Variants in HAPLN4 observed in about 807,000 individuals in gnomAD.
HAPLN4 encodes hyaluronan and proteoglycan link protein 4, also known as brain link protein 2.
HAPLN4 carries 19 observed loss-of-function variants against 28.0 expected under a neutral mutation model. The ratio of observed to expected loss-of-function variants is 0.68; its 90% confidence interval spans 0.47 to 1.00. The LOEUF (loss-of-function observed/expected upper bound fraction) is 1.00, where lower values mean the gene tolerates loss of function less well. Ranked by LOEUF, HAPLN4 falls within the 50% of genes least tolerant of loss-of-function variation. The pLI is 0.00. For missense variants in HAPLN4, 587 were observed against 602.6 expected (o/e 0.97, Z 0.27); for synonymous variants, 274 against 273.0 (o/e 1.00, Z -0.03).
rs902123934 is a variant in HAPLN4 at position 19,260,946 on chromosome 19, C to T, written c.351G>A (p.Glu117=). 8 of 1,613,906 alleles carry T rather than the reference C, an allele frequency of 5.0e-6. No individual in the cohort carries two copies. The highest frequency in any genetic ancestry group is 1.6e-4 in the Middle Eastern group (1 of 6,062). The change falls in exon 3 of 5, where the codon GAG becomes GAA. Residue 117 remains glutamate, a synonymous_variant. Transcript: ENST00000291481. ...RAFGSYRGRA[E]LQGDGPGDAS... is the part of the protein sequence containing the mutation. ...CATCCCCAGGCCCGTCGCCCTGCAG[C>T]TCAGCCCGCCCACGGTAGCTGCCGA...
Position 19,258,727 on chromosome 19 carries a change from C to A in HAPLN4, c.613G>T (p.Gly205Cys). Reference sequence around the variant, plus strand: ...CAGCCCGCGTTGCACCAGTCCAGGCCGTCGCGCCAGGCCGCGTGCAGCTGT... The same window carrying A: ...CAGCCCGCGTTGCACCAGTCCAGGCAGTCGCGCCAGGCCGCGTGCAGCTGT... Reference protein sequence around the residue: ...AEQLHAAWRDGLDWCNAGWLR... With the variant: ...AEQLHAAWRDCLDWCNAGWLR... Residue 205 changes from glycine (G) to cysteine (C), a missense_variant, in exon 4 of 5, where the codon GGC becomes TGC. Physicochemically the swap from Gly to Cys is radical, Grantham distance 159 (BLOSUM62 -3). Coordinates refer to ENST00000291481, the MANE Select transcript of HAPLN4 (RefSeq NM_023002.3). The surrounding 1 kb of genome is among the most constrained non-coding windows in gnomAD (Gnocchi z 6.2). 1 of 1,603,890 alleles carries A rather than the reference C, an allele frequency of 6.2e-7. No individual in the cohort carries two copies. Among genetic ancestry groups the A allele is most frequent in the Non-Finnish European group, 8.5e-7 (1 of 1,176,684 alleles).
chr19:19,259,722 AGCT>A (rs1396529975), intron 3 of HAPLN4, among the ~76,000 whole-genome samples: 3 of 152,176 alleles, frequency 2.0e-5, no homozygotes, highest in Non-Finnish European at 4.4e-5. Flanking sequence ...AGTAAAGGAG[AGCT>A]GCTGCTATTA....
At position 19,257,941 on chromosome 19, in the gene HAPLN4, T is replaced by C. The variant is rs753212979; in HGVS notation, c.1085A>G (p.Tyr362Cys). The C allele has an allele frequency of 6.6e-7, 1 of 1,515,542 alleles. No individual in the cohort carries two copies. Among genetic ancestry groups the C allele is most frequent in the South Asian group, 1.2e-5 (1 of 81,798 alleles). The allele number at this position is 1,515,542 out of a possible 1,614,324, so 93.9% of individuals were successfully genotyped here. A position where few individuals can be genotyped will look rare whatever the true frequency, so the allele number is the denominator to read the frequency against. The change falls in exon 5 of 5, where the codon TAC (tyrosine) becomes TGC (cysteine). Residue 362 changes from tyrosine (Y) to cysteine (C), a missense_variant. Physicochemically the swap from Tyr to Cys is radical, Grantham distance 194 (BLOSUM62 -2). Coordinates refer to ENST00000291481, the MANE Select transcript of HAPLN4 (RefSeq NM_023002.3). ...CGGTGCTCCTGGAGCGCGGTAGCAG[T>C]AGACGCCGAAGAGCCGTCGGGTGGC... ...PDATRRLFGV[Y>C]CYRAPGAPDP...
Position 19,261,536 on chromosome 19 carries a change from CG to C in HAPLN4, c.30del (p.Gly11AlafsTer37), listed in dbSNP as rs766264378. 8 of 1,591,934 alleles carry C rather than the reference CG, an allele frequency of 5.0e-6. No homozygotes were observed. Among genetic ancestry groups the C allele is most frequent in the Non-Finnish European group, 6.8e-6 (8 of 1,170,278 alleles). Reference sequence around the variant, plus strand: ...CCCCAGGCCGCGGCCCAGAGCGCGCCGGGACCGAGGGCCGCCCGAGCGCACA... The same window carrying C: ...CCCCAGGCCGCGGCCCAGAGCGCGCCGGACCGAGGGCCGCCCGAGCGCACA... MVCARAALG[P>X]GALWAAAWGV... On this transcript the variant is annotated frameshift_variant, in exon 2 of 5. Coordinates refer to ENST00000291481, the MANE Select transcript of HAPLN4 (RefSeq NM_023002.3). LOFTEE classifies it high-confidence loss of function.
chr19:19,261,583 C>A lies in HAPLN4; in HGVS notation c.4-20G>T. 7.0e-7 allele frequency: 1 copy of A among 1,434,724 alleles called. No homozygotes were observed. The highest frequency in any genetic ancestry group is 9.1e-7 in the Non-Finnish European group (1 of 1,093,296). 88.9% of individuals were successfully genotyped at this position (1,434,724 alleles called of 1,614,324 possible). On this transcript the variant is annotated intron_variant, in intron 1 of 4. Coordinates refer to ENST00000291481, the MANE Select transcript of HAPLN4 (RefSeq NM_023002.3). ...GCACACCTGGGGGGCGGGCACGGGGCGCTCAGTCCAGCCTCCCAGCCTTGG... is the reference window on the plus strand; with the variant it reads ...GCACACCTGGGGGGCGGGCACGGGGAGCTCAGTCCAGCCTCCCAGCCTTGG...
At position 19,255,761 on chromosome 19, in the gene HAPLN4, A is replaced by C. The variant is rs1243844019; in HGVS notation, c.*2056T>G. The C allele has an allele frequency of 6.6e-6, 1 of 152,262 alleles. No homozygotes were observed. Among genetic ancestry groups the C allele is most frequent in the Admixed American group, 6.5e-5 (1 of 15,286 alleles). The allele number at this position is 152,262 out of a possible 1,614,324, so 9.4% of individuals were successfully genotyped here. A position where few individuals can be genotyped will look rare whatever the true frequency, so the allele number is the denominator to read the frequency against. ...AACACAGGTTCAGAAGGAGTTTGTCACTTGGTCACACAGTGAGCAAGAAGA... is the reference window on the plus strand; with the variant it reads ...AACACAGGTTCAGAAGGAGTTTGTCCCTTGGTCACACAGTGAGCAAGAAGA... On this transcript the variant is annotated 3_prime_UTR_variant, in exon 5 of 5. Transcript: ENST00000291481.
Position 19,257,962 on chromosome 19 carries a change from G to A in HAPLN4, c.1064C>T (p.Thr355Ile). Residue 355 changes from threonine to isoleucine, a missense_variant, in exon 5 of 5, where the codon ACC (threonine) becomes ATC (isoleucine). Transcript: ENST00000291481. ...GVRSLGFPDA[T>I]RRLFGVYCYR... is the part of the protein sequence containing the mutation. Reference sequence around the variant, plus strand: ...GCAGTAGACGCCGAAGAGCCGTCGGGTGGCGTCCGGGAAGCCGAGGCTGCG... The same window carrying A: ...GCAGTAGACGCCGAAGAGCCGTCGGATGGCGTCCGGGAAGCCGAGGCTGCG... The A allele has an allele frequency of 6.6e-7, 1 of 1,514,056 alleles. No individual in the cohort carries two copies. The highest frequency in any genetic ancestry group is 1.2e-5 in the South Asian group (1 of 81,612). 93.8% of individuals were successfully genotyped at this position (1,514,056 alleles called of 1,614,324 possible). A position where few individuals can be genotyped will look rare whatever the true frequency, so the allele number is the denominator to read the frequency against.
rs759841346 is a variant in HAPLN4 at position 19,258,674 on chromosome 19, G to A, written c.666C>T (p.Pro222=). 1 of 1,609,506 alleles carries A rather than the reference G, an allele frequency of 6.2e-7. No individual in the cohort carries two copies. The highest frequency in any genetic ancestry group is 8.5e-7 in the Non-Finnish European group (1 of 1,178,326). ...CGCAGGGCTCCCGGGGCCGGTTCAC[G>A]GGGTATTGCACTGAGCCGTCGCGCA... is the stretch of plus-strand genomic sequence containing the variant. The part of the protein sequence containing the change: ...GWLRDGSVQY[P]VNRPREPCGG... The change falls in exon 4 of 5, where the codon CCC becomes CCT. Residue 222 remains proline, a synonymous_variant. Transcript: ENST00000291481. This position sits in a 1 kb window ranked among gnomAD's most constrained non-coding sequence, Gnocchi z 6.2.
In HAPLN4 at chr19:19,258,186, C is replaced by G; in HGVS notation, c.840G>C (p.Pro280=). The change falls in exon 5 of 5, where the codon CCG becomes CCC. Residue 280 remains proline, a synonymous_variant. Transcript: ENST00000291481. This position sits in a 1 kb window ranked among gnomAD's most constrained non-coding sequence, Gnocchi z 6.2. The part of the protein sequence containing the change: ...NLPGRVFFLK[P]LRPVPFSGAA... ...CTCCGGAGAAGGGTACAGGTCGCAGCGGCTTCAGGAAGAACACGCGCCCTG... is the reference window on the plus strand; with the variant it reads ...CTCCGGAGAAGGGTACAGGTCGCAGGGGCTTCAGGAAGAACACGCGCCCTG... 6.6e-7 allele frequency: 1 copy of G among 1,510,474 alleles called. No individual in the cohort carries two copies. The highest frequency in any genetic ancestry group is 1.2e-5 in the South Asian group (1 of 80,870). The allele number at this position is 1,510,474 out of a possible 1,614,324, so 93.6% of individuals were successfully genotyped here.
intron 2 of HAPLN4, 98 bp from the exon 3 acceptor site, chr19:19,261,273 G>T (rs2060982464): frequency 7.3e-7 from 1 of 1,362,366 alleles, no homozygotes; most frequent in Non-Finnish European, 1.0e-6. Context: ...GAAGACTCGG[G>T]TGGGGGTCGG....
rs531451902 is a variant in HAPLN4, at chr19:19,257,527, C to T, written c.*290G>A. The T allele has an allele frequency of 3.0e-6, 1 of 335,534 alleles. No homozygotes were observed. Among genetic ancestry groups the T allele is most frequent in the South Asian group, 1.5e-4 (1 of 6,618 alleles). The allele number at this position is 335,534 out of a possible 1,614,324, so 20.8% of individuals were successfully genotyped here. A position where few individuals can be genotyped will look rare whatever the true frequency, so the allele number is the denominator to read the frequency against. On this transcript the variant is annotated 3_prime_UTR_variant, in exon 5 of 5. Transcript: ENST00000291481. ...GCCAGTCTTCAGGAGCCTGCGGGTT[C>T]TGCTGGCCTCCTGAGGTCCTCAGGG...
rs1370780164 is a variant in HAPLN4, at chr19:19,257,689, A to C, written c.*128T>G. The C allele has an allele frequency of 6.1e-6, 7 of 1,145,056 alleles. No homozygotes were observed. Among genetic ancestry groups the C allele is most frequent in the Non-Finnish European group, 7.9e-6 (7 of 887,994 alleles). The allele number at this position is 1,145,056 out of a possible 1,614,324, so 70.9% of individuals were successfully genotyped here. ...CAGTCTTCAGGGACCCCAGGGGCAC[A>C]GTTAGTTTGTAAGGGACCACAGGGA... On this transcript the variant is annotated 3_prime_UTR_variant, in exon 5 of 5. Transcript: ENST00000291481.
chr19:19,261,223 G>A (rs775463904), intron 2 of HAPLN4, 48 bp from the exon 3 acceptor site: 10 of 1,549,338 alleles, frequency 6.5e-6, no homozygotes, highest in Non-Finnish European at 8.7e-6. Flanking sequence ...GGGGCAGAAG[G>A]GGGCCTCTGG....
chr19:19,261,392 C>G, intron 2 of HAPLN4, 54 bp downstream of exon 2: 3 of 1,503,400 alleles, frequency 2.0e-6, no homozygotes, highest in Non-Finnish European at 2.8e-6. Context: ...CCTCTCCGCA[C>G]TTGGCCACTT....
Position 19,258,537 on chromosome 19 carries a change from G to A in HAPLN4, c.803C>T (p.Thr268Met), listed in dbSNP as rs1229479812. The stretch of plus-strand genomic sequence containing the variant: ...GGCCTACGCACCCGGCAGGTTGGAC[G>A]TGAAGCAGAAGGCGTCGTAGCGTTC... The part of the protein sequence containing the change: ...AEERYDAFCF[T>M]SNLPGRVFFL... The change falls in exon 4 of 5, where the codon ACG (threonine) becomes ATG (methionine). Residue 268 changes from threonine to methionine, a missense_variant. Coordinates refer to ENST00000291481, the MANE Select transcript of HAPLN4 (RefSeq NM_023002.3). This position sits in a 1 kb window ranked among gnomAD's most constrained non-coding sequence, Gnocchi z 6.2. 1 of 1,613,478 alleles carries A rather than the reference G, an allele frequency of 6.2e-7. No homozygotes were observed. The highest frequency in any genetic ancestry group is 1.7e-5 in the Admixed American group (1 of 60,014).
At chr19:19,262,390 A>G (rs1329628847) in intron 1 of HAPLN4, among the ~76,000 whole-genome samples, 1 of 151,210 alleles carries the variant, frequency 6.6e-6, no homozygotes, top group Non-Finnish European at 1.5e-5. Context: ...AGAGGGAGCG[A>G]CAGAGAGGGA....
intron 3 of HAPLN4, among the ~76,000 whole-genome samples, chr19:19,260,400 A>G (rs143438566): frequency 0.03 from 4,527 of 152,080 alleles, 238 homozygotes; most frequent in African/African-American, 0.1. Context: ...TATTTTTACT[A>G]GAGATGGGGT....
At chr19:19,259,958 G>A (rs894634403) in intron 3 of HAPLN4, among the ~76,000 whole-genome samples, 1 of 152,196 alleles carries the variant, frequency 6.6e-6, no homozygotes, top group African/African-American at 2.4e-5. Context: ...GCCAGTGAGG[G>A]ACAACTCTGG....
Position 19,261,617 on chromosome 19 carries a change from A to G in HAPLN4, c.4-54T>C, listed in dbSNP as rs1357453785. 5 of 1,231,564 alleles carry G rather than the reference A, an allele frequency of 4.1e-6. No individual in the cohort carries two copies. In the East Asian group the frequency reaches 8.5e-5, roughly 21 times the overall value. 76.3% of individuals were successfully genotyped at this position (1,231,564 alleles called of 1,614,324 possible). A position where few individuals can be genotyped will look rare whatever the true frequency, so the allele number is the denominator to read the frequency against. On this transcript the variant is annotated intron_variant, in intron 1 of 4. Transcript: ENST00000291481. ...CAGCCTCCCAGCCTTGGCTTTTCGG[A>G]GGCCTGGCTCCCTCCCGGGCCTGCC... is the stretch of plus-strand genomic sequence containing the variant.
Sources: allele counts gnomAD v4.1 joint callset (sites outside exome capture counted in the v4.1 genomes callset), GRCh38; gene constraint gnomAD v4.1.1; non-coding constraint Gnocchi (gnomAD v3.1); transcripts MANE v1.5; gene names NCBI Gene and HGNC (gene_info 2026-07-23, HGNC 2026-07-21).